Variants in MDM2 observed in about 807,000 individuals in gnomAD.
The protein encoded by MDM2 is MDM2 proto-oncogene.
In MDM2, 11 loss-of-function variants were observed where a neutral mutation model predicts 64.3. The ratio of observed to expected loss-of-function variants is 0.17; its 90% CI spans 0.11 to 0.28. The LOEUF is 0.28. Among genes scored for constraint, MDM2 ranks in the 10% least tolerant of loss-of-function variants. The pLI, the probability that MDM2 is intolerant of heterozygous loss-of-function variation, is 1.00. For synonymous variants in MDM2, 194 were observed against 192.9 expected (o/e 1.01, Z -0.05); for missense variants, 388 against 577.1 (o/e 0.67, Z 3.36).
In MDM2 at chr12:68,841,251, T is replaced by C. The variant is rs1338632900; in HGVS notation, c.*1402T>C. ...ATATTTGGTGCTATGTAAATGAAAA[T>C]GTTTTTTAGGTTTTCTTGATTTAAC... is the stretch of plus-strand genomic sequence containing the variant. On this transcript the variant is annotated 3_prime_UTR_variant, in exon 11 of 11. Transcript: ENST00000258149. The C allele has an allele frequency of 5.1e-6, 1 of 194,668 alleles. No homozygotes were observed. Among genetic ancestry groups the C allele is most frequent in the Non-Finnish European group, 1.1e-5 (1 of 93,878 alleles). The allele number at this position is 194,668 out of a possible 1,614,324, so 12.1% of individuals were successfully genotyped here. A position where few individuals can be genotyped will look rare whatever the true frequency, so the allele number is the denominator to read the frequency against.
downstream of MDM2, chr12:68,849,165 C>T (rs183964898): frequency 3.7e-4 from 56 of 152,008 alleles, no homozygotes; most frequent in East Asian, 9.3e-3. Flanking sequence ...TCTCGGCTCA[C>T]TGCAACCTCT....
chr12:68,833,633 C>T (rs138927070), intron 8 of MDM2, among the ~76,000 whole-genome samples: 1 of 151,674 alleles, frequency 6.6e-6, no homozygotes, highest in East Asian at 1.9e-4. Context: ...TGGGCTCTGC[C>T]GGGCCATGGT....
At chr12:68,815,433 CTTTTTTTT>C (rs58178593) in intron 3 of MDM2, among the ~76,000 whole-genome samples, 4 of 93,088 alleles carry the variant, frequency 4.3e-5, no homozygotes, top group South Asian at 3.8e-4. Context: ...GTTTCTTCTT[CTTTTTTTT>C]TTTTTTTTTT....
chr12:68,842,895 CTTTTA>C lies in MDM2; in HGVS notation c.*3047_*3051del, dbSNP rs1325237023. Reference sequence around the variant, plus strand: ...TAGTTATGCTGGACTGTTTTGATCTCTTTTAATTGTTCTGACAGATAGTTGGGGAT... The same window carrying C: ...TAGTTATGCTGGACTGTTTTGATCTCATTGTTCTGACAGATAGTTGGGGAT... On this transcript the variant is annotated 3_prime_UTR_variant, in exon 11 of 11. Transcript: ENST00000258149. 4.8e-6 allele frequency: 1 copy of C among 207,206 alleles called. No homozygotes were observed. Among genetic ancestry groups the C allele is most frequent in the African/African-American group, 2.3e-5 (1 of 43,828 alleles). 12.8% of individuals were successfully genotyped at this position (207,206 alleles called of 1,614,324 possible).
chr12:68,846,705 A>G (rs1884318769), downstream of MDM2: 1 of 152,156 alleles, frequency 6.6e-6, no homozygotes, highest in East Asian at 1.9e-4. Context: ...AGACTTTTAG[A>G]ACACTATGAA....
At chr12:68,849,778 A>G (rs1884577019), downstream of MDM2, 1 of 148,684 alleles carries the variant, frequency 6.7e-6, no homozygotes, top group Admixed American at 6.7e-5. Flanking sequence ...ATGCCTGGCA[A>G]ATTTTTGTAT....
chr12:68,816,460 C>A (rs1021054290), intron 3 of MDM2, among the ~76,000 whole-genome samples: 6 of 147,816 alleles, frequency 4.1e-5, no homozygotes, highest in African/African-American at 1.5e-4. Context: ...GCAGCCTCCA[C>A]CTCCTGGGTT....
intron 2 of MDM2, among the ~76,000 whole-genome samples, chr12:68,811,934 C>T (rs966505582): frequency 2.0e-5 from 3 of 151,450 alleles, no homozygotes; most frequent in African/African-American, 2.4e-5. Context: ...TTAATAGAGA[C>T]GGAGTTTCAC....
At chr12:68,823,482 C>T (rs1046607424) in intron 5 of MDM2, among the ~76,000 whole-genome samples, 2 of 152,162 alleles carry the variant, frequency 1.3e-5, no homozygotes, top group Non-Finnish European at 2.9e-5. Flanking sequence ...CATCTTAACT[C>T]CTTTCTTCCT....
rs974665047 is a variant in MDM2, at chr12:68,820,273, T to A, written c.309-52T>A. The A allele has an allele frequency of 2.0e-5, 27 of 1,381,962 alleles. 1 individual carries two copies. The South Asian group carries it at 3.2e-4, about 17-fold the overall frequency. The allele number at this position is 1,381,962 out of a possible 1,614,324, so 85.6% of individuals were successfully genotyped here. A position where few individuals can be genotyped will look rare whatever the true frequency, so the allele number is the denominator to read the frequency against. ...TGGTTAGATCCAGCTTAATACAAATTTTTATTCTAAAATGTACATCTCTTG... is the reference window on the plus strand; with the variant it reads ...TGGTTAGATCCAGCTTAATACAAATATTTATTCTAAAATGTACATCTCTTG... On this transcript the variant is annotated intron_variant, in intron 4 of 10. Transcript: ENST00000258149.
At chr12:68,825,045 A>T (rs1882195484) in intron 7 of MDM2, among the ~76,000 whole-genome samples, 1 of 147,478 alleles carries the variant, frequency 6.8e-6, no homozygotes, top group African/African-American at 2.7e-5. Flanking sequence ...CATCTCTACT[A>T]AAAAAAATAC....
At chr12:68,808,929 GT>G (rs1880607534) in intron 1 of MDM2, 2 of 1,373,906 alleles carry the variant, frequency 1.5e-6, no homozygotes, top group Non-Finnish European at 1.9e-6. Context: ...AGCTGGTCAA[GT>G]TCAGACACGT....
intron 8 of MDM2, among the ~76,000 whole-genome samples, chr12:68,832,889 G>A (rs1315056784): frequency 6.6e-6 from 1 of 151,334 alleles, no homozygotes; most frequent in Non-Finnish European, 1.5e-5. Flanking sequence ...CACTTTGGGA[G>A]GCTGAGGCGG....
chr12:68,850,417 A>G (rs1169938517), downstream of MDM2: 1 of 152,248 alleles, frequency 6.6e-6, no homozygotes, highest in African/African-American at 2.4e-5. Flanking sequence ...TTTATTTTCT[A>G]AATTGAGACG....
rs1592609857 is a variant in MDM2 at position 68,844,173 on chromosome 12, TAAG to T, written c.*4327_*4329del. The T allele has an allele frequency of 4.3e-5, 9 of 208,006 alleles. No homozygotes were observed. The East Asian group carries it at 6.6e-4, about 15-fold the overall frequency. The allele number at this position is 208,006 out of a possible 1,614,324, so 12.9% of individuals were successfully genotyped here. ...AGTACACGTGTTGAAAATAAATGAT[TAAG>T]AATTGTTTCAAGAATGCAATTATTT... On this transcript the variant is annotated 3_prime_UTR_variant, in exon 11 of 11. Transcript: ENST00000258149.
At chr12:68,822,623 A>G (rs1881956667) in intron 5 of MDM2, among the ~76,000 whole-genome samples, 1 of 152,130 alleles carries the variant, frequency 6.6e-6, no homozygotes, top group Non-Finnish European at 1.5e-5. Flanking sequence ...ACTTTGGCAC[A>G]TTACTAGAAA....
chr12:68,812,505 TC>T (rs1401165291), intron 2 of MDM2, among the ~76,000 whole-genome samples: 4 of 152,192 alleles, frequency 2.6e-5, no homozygotes, highest in Non-Finnish European at 4.4e-5. Context: ...TACATTCCCC[TC>T]CCCCATGACA....
At chr12:68,848,512 TA>T (rs894286751), downstream of MDM2, 5 of 152,022 alleles carry the variant, frequency 3.3e-5, no homozygotes, top group African/African-American at 1.2e-4. Context: ...GTTTGTGCAA[TA>T]AATGGCAAAA....
intron 4 of MDM2, among the ~76,000 whole-genome samples, chr12:68,819,018 C>T (rs923738548): frequency 6.6e-6 from 1 of 152,166 alleles, no homozygotes; most frequent in Non-Finnish European, 1.5e-5. Context: ...AGACGTGAGC[C>T]ACTGTGCCTG....
Sources: gnomAD v4.1 joint callset for allele counts (sites outside exome capture counted in the v4.1 genomes callset) on GRCh38, gnomAD v4.1.1 for gene constraint, MANE v1.5 for transcripts, NCBI Gene and HGNC (gene_info 2026-07-23, HGNC 2026-07-21) for gene names.